The following ZC3H12B variants were observed in gnomAD, a reference collection of about 807,000 sequenced individuals.
The protein encoded by ZC3H12B is zinc finger CCCH-type containing 12B.
In ZC3H12B, 7 loss-of-function variants were observed where a neutral mutation model predicts 43.9. That is an observed-to-expected ratio of 0.16 (90% CI 0.09 to 0.30). The LOEUF is 0.30. Ranked by LOEUF, ZC3H12B falls within the 10% of genes least tolerant of loss-of-function variation. The probability of loss-of-function intolerance (pLI) is 1.00; values close to 1 mark genes in which losing one functional copy is unlikely to be tolerated. For synonymous variants in ZC3H12B, 222 were observed against 241.7 expected, an observed-to-expected ratio of 0.92 and a Z score of 0.76; for missense variants, 475 against 670.2, an observed-to-expected ratio of 0.71 and a Z score of 3.22.
At chrX:65,313,819 C>T in the ZC3H12B span, among the ~76,000 whole-genome samples, 3 of 111,694 alleles carry the variant, frequency 2.7e-5, no homozygotes, top group Admixed American at 1.9e-4. Context: ...TCAAGTGAAA[C>T]AACAATCAAC....
At chrX:65,345,849 T>C in the ZC3H12B span, among the ~76,000 whole-genome samples, 2 of 111,666 alleles carry the variant, frequency 1.8e-5, no homozygotes, top group Non-Finnish European at 3.8e-5. Flanking sequence ...GAGAGCCAAA[T>C]CAAGAATGTG....
At chrX:65,152,394 C>G in the ZC3H12B span, among the ~76,000 whole-genome samples, 1 of 111,690 alleles carries the variant, frequency 9.0e-6, no homozygotes, top group African/African-American at 3.3e-5. Flanking sequence ...TCTCAGGATA[C>G]AAAATCAATG....
chrX:65,144,002 G>T, the ZC3H12B span, among the ~76,000 whole-genome samples: 5 of 111,245 alleles, frequency 4.5e-5, no homozygotes, highest in African/African-American at 1.6e-4. Flanking sequence ...TTCATATTAG[G>T]GTGATACAGG....
chrX:65,228,824 A>C, the ZC3H12B span, among the ~76,000 whole-genome samples: 2 of 111,895 alleles, frequency 1.8e-5, no homozygotes, highest in Non-Finnish European at 3.8e-5. Context: ...TCCAACTTAC[A>C]ACAGACGTGA....
chrX:65,396,251 C>G (rs1402128036), intron 2 of ZC3H12B, among the ~76,000 whole-genome samples: 2 of 111,826 alleles, frequency 1.8e-5, no homozygotes, highest in African/African-American at 6.5e-5. Context: ...TCTTGCTTCT[C>G]TAGTTATTTT....
At chrX:65,152,186 C>A in the ZC3H12B span, among the ~76,000 whole-genome samples, 1 of 111,552 alleles carries the variant, frequency 9.0e-6, no homozygotes, top group Non-Finnish European at 1.9e-5. Context: ...CAGGGATGCC[C>A]TCTCTCACCA....
chrX:65,446,469 G>A (rs965133519), intron 3 of ZC3H12B, among the ~76,000 whole-genome samples: 4 of 111,551 alleles, frequency 3.6e-5, no homozygotes, highest in African/African-American at 6.5e-5. Flanking sequence ...ATTTATTTAG[G>A]ATCCCAAAAC....
At chrX:65,207,401 T>A in the ZC3H12B span, among the ~76,000 whole-genome samples, 1 of 110,288 alleles carries the variant, frequency 9.1e-6, no homozygotes, top group Admixed American at 9.7e-5. Context: ...CCAAACATCA[T>A]ATGTTCTCAG....
At chrX:65,275,135 C>T in the ZC3H12B span, among the ~76,000 whole-genome samples, 7 of 112,807 alleles carry the variant, frequency 6.2e-5, no homozygotes, top group African/African-American at 2.3e-4. Context: ...ATAGAAATGC[C>T]CCACTGGCCA....
chrX:65,216,057 A>G, the ZC3H12B span, among the ~76,000 whole-genome samples: 229 of 111,240 alleles, frequency 2.1e-3, no homozygotes, highest in Middle Eastern at 9.3e-3. Flanking sequence ...GATCAAGAAG[A>G]AGGCAGAGCA....
At chrX:65,491,975 C>G (rs2068211309) in intron 1 of ZC3H12B, among the ~76,000 whole-genome samples, 1 of 110,079 alleles carries the variant, frequency 9.1e-6, no homozygotes, top group Admixed American at 9.8e-5. Flanking sequence ...GTTCAAAAGG[C>G]CAAAGGTGTC....
intron 3 of ZC3H12B, among the ~76,000 whole-genome samples, chrX:65,446,155 G>T (rs1027388875): frequency 8.9e-6 from 1 of 112,033 alleles, no homozygotes; most frequent in Non-Finnish European, 1.9e-5. Context: ...GGGAACTGGG[G>T]CCTGGAATGG....
chrX:65,174,536 C>T, the ZC3H12B span, among the ~76,000 whole-genome samples: 2 of 111,664 alleles, frequency 1.8e-5, no homozygotes, highest in South Asian at 7.5e-4. Flanking sequence ...CTATAATCCC[C>T]TGTCAGGGGC....
chrX:65,366,170 G>GA (rs1408187147), upstream of ZC3H12B, among the ~76,000 whole-genome samples: 11 of 105,832 alleles, frequency 1.0e-4, no homozygotes, highest in East Asian at 3.0e-4. Context: ...TAGAATGAAA[G>GA]AAAAAAAAAG....
chrX:65,333,585 C>T, the ZC3H12B span, among the ~76,000 whole-genome samples: 1 of 112,164 alleles, frequency 8.9e-6, no homozygotes, highest in Non-Finnish European at 1.9e-5. Flanking sequence ...TAGTTCAGTC[C>T]ATGCAGTTAT....
At chrX:65,298,502 T>A in the ZC3H12B span, among the ~76,000 whole-genome samples, 2 of 111,388 alleles carry the variant, frequency 1.8e-5, no homozygotes, top group Admixed American at 9.6e-5. Flanking sequence ...AGGAAAAGAC[T>A]AGCAAATTAA....
the ZC3H12B span, among the ~76,000 whole-genome samples, chrX:65,223,156 A>G: frequency 8.9e-6 from 1 of 111,848 alleles, no homozygotes; most frequent in South Asian, 3.7e-4. Flanking sequence ...TATTCAACAA[A>G]TGGTATTGGG....
At chrX:65,450,885 GTA>G (rs1235325782) in intron 3 of ZC3H12B, among the ~76,000 whole-genome samples, 1 of 76,557 alleles carries the variant, frequency 1.3e-5, no homozygotes, top group Non-Finnish European at 2.6e-5. Context: ...ATACATATGT[GTA>G]TATATGTATA....
At position 65,398,621 on chromosome X, in the gene ZC3H12B, G is replaced by A. The variant is rs759315718; in HGVS notation, n.324G>A. 1 of 112,121 alleles carries A rather than the reference G, an allele frequency of 8.9e-6. No individual in the cohort carries two copies. Among genetic ancestry groups the A allele is most frequent in the East Asian group, 2.8e-4 (1 of 3,574 alleles). 9.2% of individuals were successfully genotyped at this position (112,121 alleles called of 1,213,427 possible). A position where few individuals can be genotyped will look rare whatever the true frequency, so the allele number is the denominator to read the frequency against. ...TGCATGCTTCCAACATTGTGAAGAT[G>A]TGTGTGCTTTCCAGTCACCTTCCAC... On this transcript the variant is annotated non_coding_transcript_exon_variant, in exon 3 of 6. The change creates a new upstream start codon in the 5' untranslated region. Transcript: ENST00000617377.
Sources: allele counts gnomAD v4.1 joint callset (sites outside exome capture counted in the v4.1 genomes callset), GRCh38; gene constraint gnomAD v4.1.1; transcripts MANE v1.5; gene names NCBI Gene and HGNC (gene_info 2026-07-23, HGNC 2026-07-21).